Variants in SLC39A10 observed in about 807,000 individuals in gnomAD.
The protein encoded by SLC39A10 is solute carrier family 39 member 10.
A neutral mutation model predicts 65.1 loss-of-function variants in SLC39A10; 13 were observed. That is an observed-to-expected ratio of 0.20 (90% CI 0.13 to 0.32). SLC39A10 has a LOEUF of 0.32. Ranked by LOEUF, SLC39A10 falls within the 10% of genes least tolerant of loss-of-function variation. SLC39A10 has a pLI of 1.00. For missense variants in SLC39A10, 831 were observed against 1,018.4 expected, an observed-to-expected ratio of 0.82 and a Z score of 2.50; for synonymous variants, 321 against 342.2, an observed-to-expected ratio of 0.94 and a Z score of 0.68.
intron 6 of SLC39A10, among the ~76,000 whole-genome samples, chr2:195,715,545 A>G (rs1248492953): frequency 2.2e-4 from 34 of 151,802 alleles, no homozygotes; most frequent in African/African-American, 7.2e-4. Context: ...AAAAAAAAAA[A>G]AAAGAAATTC....
At chr2:195,617,406 G>GA (rs1688238875) in intron 2 of SLC39A10, among the ~76,000 whole-genome samples, 1 of 151,900 alleles carries the variant, frequency 6.6e-6, no homozygotes, top group Admixed American at 6.6e-5. Flanking sequence ...ACTAAAAACA[G>GA]AAAAAATTAG....
chr2:195,632,729 TGATGAAAA>T (rs1688614642), intron 2 of SLC39A10, among the ~76,000 whole-genome samples: 1 of 149,972 alleles, frequency 6.7e-6, no homozygotes, highest in South Asian at 2.1e-4. Flanking sequence ...CTTCATCTGG[TGATGAAAA>T]GATAGCACTT....
upstream of SLC39A10, among the ~76,000 whole-genome samples, chr2:195,656,202 C>T (rs766630228): frequency 6.6e-6 from 1 of 152,172 alleles, no homozygotes; most frequent in Non-Finnish European, 1.5e-5. Flanking sequence ...ACAGGCACCC[C>T]AGGCGGAATG....
chr2:195,695,449 C>A (rs1001884553), intron 3 of SLC39A10, among the ~76,000 whole-genome samples: 1 of 152,182 alleles, frequency 6.6e-6, no homozygotes, highest in Admixed American at 6.5e-5. Context: ...GGGTCTCACT[C>A]CCACCATTCC....
At chr2:195,732,444 C>T (rs1372399971) in intron 9 of SLC39A10, among the ~76,000 whole-genome samples, 6 of 151,892 alleles carry the variant, frequency 4.0e-5, no homozygotes, top group African/African-American at 1.2e-4. Flanking sequence ...ATGGCCATAC[C>T]GGTAGGTGTT....
intron 2 of SLC39A10, among the ~76,000 whole-genome samples, chr2:195,625,936 G>A (rs930777045): frequency 8.5e-5 from 13 of 152,144 alleles, no homozygotes; most frequent in African/African-American, 2.9e-4. Flanking sequence ...AGTTGCCTGC[G>A]CCATACCTGG....
chr2:195,627,022 A>G (rs1688488416), intron 2 of SLC39A10, among the ~76,000 whole-genome samples: 1 of 152,192 alleles, frequency 6.6e-6, no homozygotes, highest in Non-Finnish European at 1.5e-5. Flanking sequence ...TCTGGGGGAA[A>G]ATATATTCAT....
chr2:195,650,337 G>T (rs1366532964), intron 2 of SLC39A10, among the ~76,000 whole-genome samples: 2 of 151,362 alleles, frequency 1.3e-5, no homozygotes, highest in Non-Finnish European at 2.9e-5. Flanking sequence ...AAGTCTTCAT[G>T]GCACTATGAC....
Position 195,735,929 on chromosome 2 carries a change from C to T in SLC39A10, c.*888C>T, listed in dbSNP as rs1456159842. ...AGACGTGGTTTAAATAGTTGATTTT[C>T]CTATTTTAACAGTACCAACTAGTTA... On this transcript the variant is annotated 3_prime_UTR_variant, in exon 10 of 10. Coordinates refer to ENST00000359634, the MANE Select transcript of SLC39A10 (RefSeq NM_020342.3). The T allele has an allele frequency of 6.7e-6, 1 of 148,438 alleles. No individual in the cohort carries two copies. Among genetic ancestry groups the T allele is most frequent in the Non-Finnish European group, 1.5e-5 (1 of 67,544 alleles). The allele number at this position is 148,438 out of a possible 1,614,324, so 9.2% of individuals were successfully genotyped here. A position where few individuals can be genotyped will look rare whatever the true frequency, so the allele number is the denominator to read the frequency against.
At chr2:195,719,517 A>G (rs1417587749) in intron 8 of SLC39A10, among the ~76,000 whole-genome samples, 1 of 152,192 alleles carries the variant, frequency 6.6e-6, no homozygotes, top group Non-Finnish European at 1.5e-5. Context: ...AACAGAATTG[A>G]CAGGTCTAGG....
Position 195,617,961 on chromosome 2 carries a change from A to C in SLC39A10, c.-12+11728A>C, listed in dbSNP as rs62203573. ...TCACCATGTTAGCCAGGATGGTCTC[A>C]ATCTCCAGACCTCGTGATCCGCCCA... On this transcript the variant is annotated intron_variant, in intron 2 of 2. Transcript: ENST00000458054. Among the ~76,000 whole-genome samples, 447 of 149,310 alleles carry C rather than the reference A, an allele frequency of 3.0e-3. 1 individual carries two copies. The highest frequency in any genetic ancestry group is 0.024 in the Middle Eastern group (7 of 294).
intron 3 of SLC39A10, among the ~76,000 whole-genome samples, chr2:195,690,264 T>G (rs1293819735): frequency 6.6e-6 from 1 of 151,888 alleles, no homozygotes; most frequent in Non-Finnish European, 1.5e-5. Context: ...CACATTTTGC[T>G]TATGCATTTA....
In SLC39A10 at chr2:195,708,907, T is replaced by C. The variant is rs1691504222; in HGVS notation, c.1575+63T>C. On this transcript the variant is annotated intron_variant, in intron 5 of 9. Transcript: ENST00000359634. ...ACTCAAAACAAAAATTATCCTTTTC[T>C]GGGTATATGCTTTCCTTAATTATGA... The C allele has an allele frequency of 5.0e-6, 6 of 1,191,750 alleles. No homozygotes were observed. In the African/African-American group the frequency reaches 6.2e-5, roughly 12 times the overall value. 73.8% of individuals were successfully genotyped at this position (1,191,750 alleles called of 1,614,324 possible).
At chr2:195,620,494 G>C (rs1360258694) in intron 2 of SLC39A10, among the ~76,000 whole-genome samples, 7 of 152,080 alleles carry the variant, frequency 4.6e-5, no homozygotes, top group Non-Finnish European at 4.4e-5. Context: ...TTAAATATTA[G>C]AGTTACATTG....
chr2:195,648,611 G>A (rs920609663), intron 2 of SLC39A10, among the ~76,000 whole-genome samples: 7 of 152,114 alleles, frequency 4.6e-5, no homozygotes, highest in East Asian at 1.9e-4. Flanking sequence ...TTGGGAGGTC[G>A]AGGCTGCAGT....
At chr2:195,619,662 G>A (rs1456708632) in intron 2 of SLC39A10, among the ~76,000 whole-genome samples, 1 of 151,978 alleles carries the variant, frequency 6.6e-6, no homozygotes. Context: ...AATTCCCAAT[G>A]TAAAAGATAA....
chr2:195,631,705 C>A (rs1362330889), intron 2 of SLC39A10, among the ~76,000 whole-genome samples: 1 of 152,034 alleles, frequency 6.6e-6, no homozygotes, highest in African/African-American at 2.4e-5. Context: ...GACAAAGCAA[C>A]TAGATTATAT....
At chr2:195,695,806 T>C (rs1690934725) in intron 3 of SLC39A10, among the ~76,000 whole-genome samples, 1 of 152,192 alleles carries the variant, frequency 6.6e-6, no homozygotes, top group Admixed American at 6.5e-5. Context: ...AGTTTGTCTG[T>C]TTTTTTGTTT....
rs1414790868 is a variant in SLC39A10 at position 195,680,365 on chromosome 2, A to G, written c.323A>G (p.His108Arg). 1.9e-6 allele frequency: 3 copies of G among 1,614,082 alleles called. No individual in the cohort carries two copies. In the African/African-American group the frequency reaches 4.0e-5, roughly 22 times the overall value. The change falls in exon 2 of 10, where the codon CAT (histidine) becomes CGT (arginine). Residue 108 changes from histidine to arginine, a missense_variant. Transcript: ENST00000359634. The part of the protein sequence containing the change: ...EINHEDLGHD[H>R]VSHLDILAVQ... ...AATCATGAGGATCTTGGCCACGATCATGTTTCTCATTTAGATATTTTGGCA... is the reference window on the plus strand; with the variant it reads ...AATCATGAGGATCTTGGCCACGATCGTGTTTCTCATTTAGATATTTTGGCA...
Sources: allele counts gnomAD v4.1 joint callset (sites outside exome capture counted in the v4.1 genomes callset), GRCh38; gene constraint gnomAD v4.1.1; transcripts MANE v1.5; gene names NCBI Gene and HGNC (gene_info 2026-07-23, HGNC 2026-07-21).